The following DYM variants were observed in gnomAD, a reference collection of about 807,000 sequenced individuals.
DYM encodes the protein dymeclin, also known as dyggve-Melchior-Clausen syndrome protein.
A neutral mutation model predicts 93.1 loss-of-function variants in DYM; 78 were observed. The ratio of observed to expected loss-of-function variants is 0.84; its 90% CI spans 0.70 to 1.01. The LOEUF is 1.01. Among genes scored for constraint, DYM ranks in the 50% least tolerant of loss-of-function variants. DYM has a pLI of 0.00. For synonymous variants in DYM, 321 were observed against 319.7 expected (o/e 1.00, Z -0.04); for missense variants, 789 against 845.0 (o/e 0.93, Z 0.82).
intron 10 of DYM, among the ~76,000 whole-genome samples, chr18:49,274,260 T>C (rs2094790894): frequency 1.3e-5 from 2 of 152,138 alleles, no homozygotes; most frequent in South Asian, 4.1e-4. Flanking sequence ...TACGTAGATT[T>C]TTGTGACTTT....
intron 15 of DYM, among the ~76,000 whole-genome samples, chr18:49,150,022 A>G (rs2085643703): frequency 6.6e-6 from 1 of 152,124 alleles, no homozygotes; most frequent in African/African-American, 2.4e-5. Flanking sequence ...AAGTGTTTTT[A>G]TACTTGCATT....
chr18:49,327,680 T>C (rs112129646), intron 8 of DYM, among the ~76,000 whole-genome samples: 67 of 152,172 alleles, frequency 4.4e-4, no homozygotes, highest in African/African-American at 1.4e-3. Context: ...TCTTTGAAAT[T>C]TTCTGTAATA....
intron 15 of DYM, among the ~76,000 whole-genome samples, chr18:49,145,451 T>C (rs951002533): frequency 2.6e-5 from 4 of 152,116 alleles, no homozygotes; most frequent in African/African-American, 9.7e-5. Context: ...AAAACATTTA[T>C]GGAGTTCTTA....
intron 14 of DYM, among the ~76,000 whole-genome samples, chr18:49,188,448 G>A (rs1488235953): frequency 6.6e-6 from 1 of 152,132 alleles, no homozygotes; most frequent in African/African-American, 2.4e-5. Flanking sequence ...CTAAGATCTG[G>A]CTGTTCATAA....
chr18:49,424,069 C>G (rs1341154435), intron 2 of DYM, among the ~76,000 whole-genome samples: 1 of 152,170 alleles, frequency 6.6e-6, no homozygotes, highest in African/African-American at 2.4e-5. Context: ...CATCCTGATA[C>G]CAAAGCCTGG....
intron 8 of DYM, among the ~76,000 whole-genome samples, chr18:49,299,998 G>C (rs796881209): frequency 6.8e-6 from 1 of 147,956 alleles, no homozygotes; most frequent in Non-Finnish European, 1.5e-5. Context: ...AGCCGAGATC[G>C]TGCCACTGCA....
In DYM at chr18:49,097,431, C is replaced by A. The variant is rs761513723; in HGVS notation, c.1996G>T (p.Val666Phe). ...AGTCTGTCTTTGGGCAGCGCAACGA[C>A]GCCTTGCTTAATGATTTCCAGGACC... ...ERVLEIIKQG[V>F]VALPKDRLKK... is the part of the protein sequence containing the mutation. Residue 666 changes from valine to phenylalanine, a missense_variant, in exon 17 of 18, where the codon GTC (valine) becomes TTC (phenylalanine). By Grantham distance (50) the Val-to-Phe change is conservative (BLOSUM62 -1). Transcript: ENST00000675505. 3 of 1,613,884 alleles carry A rather than the reference C, an allele frequency of 1.9e-6. No homozygotes were observed. The highest frequency in any genetic ancestry group is 1.3e-5 in the African/African-American group (1 of 74,924).
At chr18:49,047,864 C>T (rs767007047) in intron 17 of DYM, among the ~76,000 whole-genome samples, 27 of 152,286 alleles carry the variant, frequency 1.8e-4, no homozygotes, top group Non-Finnish European at 1.9e-4. Flanking sequence ...CCCACCGACC[C>T]GCGCTCCCCA....
chr18:49,376,769 G>A (rs895026379), intron 5 of DYM, among the ~76,000 whole-genome samples: 4 of 152,230 alleles, frequency 2.6e-5, no homozygotes, highest in Non-Finnish European at 4.4e-5. Context: ...CTGTTAAAAT[G>A]TTAGAAGATG....
At chr18:49,390,567 G>C (rs1599859245) in intron 3 of DYM, among the ~76,000 whole-genome samples, 2 of 151,926 alleles carry the variant, frequency 1.3e-5, no homozygotes, top group Non-Finnish European at 2.9e-5. Context: ...GAGTGCAGTG[G>C]CGCGATCTCG....
At chr18:49,206,124 G>A (rs2092488080) in intron 14 of DYM, among the ~76,000 whole-genome samples, 1 of 150,050 alleles carries the variant, frequency 6.7e-6, no homozygotes, top group Non-Finnish European at 1.5e-5. Context: ...TCAGACTCCT[G>A]AGTAGCTGGG....
At chr18:49,235,615 G>C (rs1042926601) in intron 13 of DYM, among the ~76,000 whole-genome samples, 1 of 152,066 alleles carries the variant, frequency 6.6e-6, no homozygotes, top group Non-Finnish European at 1.5e-5. Flanking sequence ...TAAGTGGCCT[G>C]ACATTACACT....
intron 15 of DYM, among the ~76,000 whole-genome samples, chr18:49,121,148 CA>C (rs771364604): frequency 3.3e-5 from 5 of 152,128 alleles, no homozygotes; most frequent in Admixed American, 6.5e-5. Flanking sequence ...CTGTGATCTA[CA>C]AAATTTGTTT....
chr18:49,172,313 AG>A (rs1289919962), intron 14 of DYM, among the ~76,000 whole-genome samples: 1 of 152,174 alleles, frequency 6.6e-6, no homozygotes, highest in Non-Finnish European at 1.5e-5. Context: ...ACAGTTGTAC[AG>A]GTTTTTGTGT....
At chr18:49,217,592 A>C (rs977074382) in intron 13 of DYM, among the ~76,000 whole-genome samples, 28 of 152,276 alleles carry the variant, frequency 1.8e-4, no homozygotes, top group East Asian at 1.3e-3. Context: ...AGAGTGGGGG[A>C]CAATAGTCAA....
intron 6 of DYM, among the ~76,000 whole-genome samples, chr18:49,349,683 G>A (rs1326159706): frequency 1.3e-5 from 2 of 152,108 alleles, no homozygotes; most frequent in Non-Finnish European, 2.9e-5. Context: ...ATAACTAGGC[G>A]CCGTGACTCA....
At chr18:49,297,217 T>C (rs1270824943) in intron 8 of DYM, among the ~76,000 whole-genome samples, 1 of 152,224 alleles carries the variant, frequency 6.6e-6, no homozygotes, top group African/African-American at 2.4e-5. Flanking sequence ...GAAGTATAAA[T>C]ATATACTGTA....
At chr18:49,399,826 T>C (rs1237578468) in intron 2 of DYM, among the ~76,000 whole-genome samples, 2 of 152,016 alleles carry the variant, frequency 1.3e-5, no homozygotes, top group Non-Finnish European at 2.9e-5. Flanking sequence ...TTATTTCCCC[T>C]GGCTCCTTAG....
intron 1 of DYM, among the ~76,000 whole-genome samples, chr18:49,436,718 G>C (rs2080892060): frequency 6.6e-6 from 1 of 152,142 alleles, no homozygotes; most frequent in African/African-American, 2.4e-5. Flanking sequence ...TTAGTTCAAA[G>C]AGTGTTGGTT....
Sources: allele counts gnomAD v4.1 joint callset (sites outside exome capture counted in the v4.1 genomes callset), GRCh38; gene constraint gnomAD v4.1.1; transcripts MANE v1.5; gene names NCBI Gene and HGNC (gene_info 2026-07-23, HGNC 2026-07-21).